SLC36A4: variants seen among roughly 807,000 people sequenced by gnomAD.
SLC36A4 encodes neutral amino acid uniporter 4.
In SLC36A4, 49 loss-of-function variants were observed where a neutral mutation model predicts 50.5. The observed-to-expected ratio is 0.97, with a 90% CI of 0.77 to 1.23. The LOEUF (loss-of-function observed/expected upper bound fraction) is 1.23, where lower values mean the gene tolerates loss of function less well. Among genes scored for constraint, SLC36A4 ranks in the 50% most tolerant of loss-of-function variants. The pLI is 0.00. For missense variants in SLC36A4, 611 were observed against 608.4 expected, an observed-to-expected ratio of 1.00 and a Z score of -0.05; for synonymous variants, 207 against 206.5, an observed-to-expected ratio of 1.00 and a Z score of -0.02.
In SLC36A4 at chr11:93,144,298, C is replaced by G. The variant is rs1377707967; in HGVS notation, c.*4239G>C. The G allele has an allele frequency of 2.0e-5, 3 of 152,002 alleles. No homozygotes were observed. The highest frequency in any genetic ancestry group is 4.8e-5 in the African/African-American group (2 of 41,410). The allele number at this position is 152,002 out of a possible 1,614,324, so 9.4% of individuals were successfully genotyped here. On this transcript the variant is annotated 3_prime_UTR_variant, in exon 11 of 11. Coordinates refer to ENST00000326402, the MANE Select transcript of SLC36A4 (RefSeq NM_152313.4). ...TTGAATGTTATATTTAGGTTTCATTCAAACTAACAAAATCATTTTGAAAAA... is the reference window on the plus strand; with the variant it reads ...TTGAATGTTATATTTAGGTTTCATTGAAACTAACAAAATCATTTTGAAAAA...
In SLC36A4 at chr11:93,197,822, G is replaced by A. The variant is rs1862498070; in HGVS notation, c.11C>T (p.Ala4Val). The A allele has an allele frequency of 1.9e-6, 3 of 1,577,282 alleles. No individual in the cohort carries two copies. Among genetic ancestry groups the A allele is most frequent in the South Asian group, 1.1e-5 (1 of 88,146 alleles). Residue 4 changes from alanine (A) to valine (V), a missense_variant, in exon 1 of 11, where the codon GCG becomes GTG. Transcript: ENST00000326402. MEA[A>V]ATPAAAGAAR... ...CGCCCCGGCAGCCGCCGGCGTCGCC[G>A]CCGCTTCCATCTCTCGCGGGTCTCC...
Position 93,154,185 on chromosome 11 carries a change from C to A in SLC36A4, c.1130G>T (p.Gly377Val). ...FYVPAEIIIP[G>V]ITSKFHTKWK... ...TTTAGTATGAAATTTGGATGTGATC[C>A]CAGGGATAATGATCTCTGCTGGAAC... The change falls in exon 10 of 11, where the codon GGG becomes GTG. Residue 377 changes from glycine to valine, a missense_variant. By Grantham distance (109) the Gly-to-Val change is moderately radical. Coordinates refer to ENST00000326402, the MANE Select transcript of SLC36A4 (RefSeq NM_152313.4). 6.4e-7 allele frequency: 1 copy of A among 1,563,436 alleles called. No homozygotes were observed. Among genetic ancestry groups the A allele is most frequent in the Non-Finnish European group, 8.6e-7 (1 of 1,158,322 alleles).
intron 8 of SLC36A4, 115 bp from the exon 9 acceptor site, chr11:93,162,990 AAAACACATATAATTGTTGAAGTACACT>A: frequency 7.7e-6 from 6 of 780,048 alleles, no homozygotes; most frequent in Non-Finnish European, 1.2e-5. Context: ...TTTTTCCTTT[AAAACACATATAATTGTTGAAGTACACT>A]TCCATTGCTA....
chr11:93,177,545 G>C (rs1193825133), intron 6 of SLC36A4, among the ~76,000 whole-genome samples: 5 of 152,062 alleles, frequency 3.3e-5, no homozygotes, highest in African/African-American at 1.2e-4. Flanking sequence ...GTACAGATGG[G>C]GTTTTGGTGT....
intron 7 of SLC36A4, chr11:93,166,226 T>C: frequency 3.1e-6 from 4 of 1,298,020 alleles, no homozygotes; most frequent in Non-Finnish European, 3.9e-6. Flanking sequence ...GTTTCCCTCA[T>C]GCCCATACAT....
chr11:93,191,876 C>G (rs1296681924), intron 1 of SLC36A4, among the ~76,000 whole-genome samples: 1 of 106,304 alleles, frequency 9.4e-6, no homozygotes, highest in African/African-American at 3.3e-5. Context: ...AGAATGTCAT[C>G]CTCACTAATA....
chr11:93,159,721 A>G, intron 9 of SLC36A4: 1 of 645,080 alleles, frequency 1.6e-6, no homozygotes, highest in South Asian at 7.0e-5. Context: ...ATACATGTAC[A>G]GTATTACTCA....
chr11:93,177,832 G>A (rs1166283610), intron 6 of SLC36A4, among the ~76,000 whole-genome samples: 1 of 152,206 alleles, frequency 6.6e-6, no homozygotes, highest in African/African-American at 2.4e-5. Context: ...GGACCCACAT[G>A]AGGAGGCAGT....
intron 10 of SLC36A4, 49 bp from the exon 11 acceptor site, chr11:93,148,893 T>A: frequency 6.8e-7 from 1 of 1,475,426 alleles, no homozygotes. Flanking sequence ...GTTTGTTACT[T>A]ACATGAATAT....
Position 93,165,980 on chromosome 11 carries a change from C to A in SLC36A4, c.805G>T (p.Gly269Cys). The change falls in exon 8 of 11, where the codon GGT becomes TGT. Residue 269 changes from glycine to cysteine, a missense_variant. Gly to Cys is a radical substitution (Grantham distance 159). Transcript: ENST00000326402. The part of the protein sequence containing the change: ...PDPHNLPIVA[G>C]WKKYPLFFGT... ...AAAAAGAGTGGGTATTTCTTCCAAC[C>A]AGCCACTATTGGAAGGTTGTGGGGA... 1 of 1,611,128 alleles carries A rather than the reference C, an allele frequency of 6.2e-7. No individual in the cohort carries two copies. The highest frequency in any genetic ancestry group is 8.5e-7 in the Non-Finnish European group (1 of 1,178,394).
chr11:93,192,379 C>T (rs1290513786), intron 1 of SLC36A4, among the ~76,000 whole-genome samples: 2 of 151,898 alleles, frequency 1.3e-5, no homozygotes, highest in African/African-American at 2.4e-5. Flanking sequence ...GGAATGAGTG[C>T]GGGGGAGGAG....
Position 93,147,579 on chromosome 11 carries a change from C to G in SLC36A4, c.*958G>C, listed in dbSNP as rs139356689. 6.6e-6 allele frequency: 1 copy of G among 152,060 alleles called. No individual in the cohort carries two copies. The highest frequency in any genetic ancestry group is 1.5e-5 in the Non-Finnish European group (1 of 67,994). The allele number at this position is 152,060 out of a possible 1,614,324, so 9.4% of individuals were successfully genotyped here. ...GAGGTTTATATGGCCACAGTGTAGG[C>G]TTCTTGGAGTTCCCTGATTTTCTGC... On this transcript the variant is annotated 3_prime_UTR_variant, in exon 11 of 11. Transcript: ENST00000326402.
chr11:93,161,311 T>C (rs1202560872), intron 9 of SLC36A4, among the ~76,000 whole-genome samples: 15 of 152,182 alleles, frequency 9.9e-5, no homozygotes, highest in Non-Finnish European at 1.8e-4. Flanking sequence ...TAATTAACTA[T>C]AAAGAGTTAA....
intron 7 of SLC36A4, chr11:93,167,230 T>C (rs1230626884): frequency 1.3e-5 from 2 of 152,146 alleles, no homozygotes; most frequent in Non-Finnish European, 2.9e-5. Flanking sequence ...ACCTTGGAAA[T>C]AATATATAAG....
At chr11:93,194,362 T>C (rs547873532) in intron 1 of SLC36A4, among the ~76,000 whole-genome samples, 2 of 98,578 alleles carry the variant, frequency 2.0e-5, no homozygotes, top group East Asian at 8.7e-4. Context: ...TAACATAATA[T>C]TGTCACCCGA....
chr11:93,183,986 C>T (rs1448225556), intron 3 of SLC36A4, among the ~76,000 whole-genome samples: 1 of 152,134 alleles, frequency 6.6e-6, no homozygotes, highest in East Asian at 1.9e-4. Context: ...GCATGGGCTA[C>T]CGCACCCGGC....
intron 9 of SLC36A4, among the ~76,000 whole-genome samples, chr11:93,162,457 C>T (rs960335291): frequency 3.7e-4 from 56 of 151,936 alleles, no homozygotes; most frequent in African/African-American, 1.1e-3. Flanking sequence ...TATAGGCACC[C>T]GCCACCACGC....
intron 6 of SLC36A4, among the ~76,000 whole-genome samples, chr11:93,177,710 T>C (rs2134684235): frequency 6.6e-6 from 1 of 152,308 alleles, no homozygotes; most frequent in Middle Eastern, 3.4e-3. Context: ...CGGCAAACGT[T>C]CCTGCCTGAT....
intron 1 of SLC36A4, among the ~76,000 whole-genome samples, chr11:93,196,843 T>C (rs1590999682): frequency 6.6e-6 from 1 of 152,350 alleles, no homozygotes; most frequent in East Asian, 1.9e-4. Flanking sequence ...ATGGAAATCA[T>C]GATAGCACCT....
Sources: allele counts gnomAD v4.1 joint callset (sites outside exome capture counted in the v4.1 genomes callset), GRCh38; gene constraint gnomAD v4.1.1; transcripts MANE v1.5; gene names NCBI Gene and HGNC (gene_info 2026-07-23, HGNC 2026-07-21).